RAB3B: variants seen among roughly 807,000 people sequenced by gnomAD.
RAB3B encodes ras-related protein Rab-3B.
A neutral mutation model predicts 20.5 loss-of-function variants in RAB3B; 11 were observed. The ratio of observed to expected loss-of-function variants is 0.54; its 90% CI spans 0.34 to 0.89. The LOEUF (loss-of-function observed/expected upper bound fraction) is 0.89, where lower values mean the gene tolerates loss of function less well. Among genes scored for constraint, RAB3B ranks in the 40% least tolerant of loss-of-function variants. The pLI is 0.02. For synonymous variants in RAB3B, 99 were observed against 106.3 expected (o/e 0.93, Z 0.42); for missense variants, 225 against 280.9 (o/e 0.80, Z 1.42).
chr1:51,967,565 A>C (rs1431723099), intron 2 of RAB3B, among the ~76,000 whole-genome samples: 1 of 73,618 alleles, frequency 1.4e-5, no homozygotes, highest in Non-Finnish European at 2.7e-5. Context: ...TCTGTCACCC[A>C]GGCTGGAGTG....
chr1:51,941,897 A>G (rs530245326), intron 2 of RAB3B, among the ~76,000 whole-genome samples: 1 of 152,354 alleles, frequency 6.6e-6, no homozygotes, highest in South Asian at 2.1e-4. Context: ...TGAATGGATA[A>G]ATGAGTGAAT....
chr1:51,988,693 C>A (rs1685180116), intron 1 of RAB3B, among the ~76,000 whole-genome samples: 1 of 152,198 alleles, frequency 6.6e-6, no homozygotes, highest in South Asian at 2.1e-4. Context: ...CACCAAGCAC[C>A]TACTATGCAC....
intron 1 of RAB3B, among the ~76,000 whole-genome samples, chr1:51,981,621 G>T (rs1260459512): frequency 6.6e-6 from 1 of 152,174 alleles, no homozygotes; most frequent in Non-Finnish European, 1.5e-5. Context: ...AGAATATATG[G>T]TATGTTATCA....
intron 2 of RAB3B, among the ~76,000 whole-genome samples, chr1:51,952,393 G>A (rs72904000): frequency 0.015 from 2,333 of 152,208 alleles, 62 homozygotes; most frequent in African/African-American, 0.053. Flanking sequence ...CCAAGATAAA[G>A]GCACTACTTT....
At position 51,927,278 on chromosome 1, in the gene RAB3B, T is replaced by C. The variant is rs894767672; in HGVS notation, c.472+6040A>G. Among the ~76,000 whole-genome samples, 3 of 152,168 alleles carry C rather than the reference T, an allele frequency of 2.0e-5. No homozygotes were observed. In the East Asian group the frequency reaches 5.8e-4, roughly 29 times the overall value. ...CTGAAATCACAGAATCAAAGTGGGA[T>C]AGGGCCAAACAGATCTTCCTACTCA... On this transcript the variant is annotated intron_variant, in intron 4 of 4. Coordinates refer to ENST00000371655, the MANE Select transcript of RAB3B (RefSeq NM_002867.4).
intron 2 of RAB3B, among the ~76,000 whole-genome samples, chr1:51,960,035 C>T (rs917623637): frequency 3.9e-5 from 6 of 151,940 alleles, no homozygotes; most frequent in African/African-American, 7.3e-5. Flanking sequence ...TGCAGGAGAG[C>T]CCCCCTGGAT....
chr1:51,972,080 CAGA>C (rs897918020), intron 2 of RAB3B, among the ~76,000 whole-genome samples: 21 of 152,138 alleles, frequency 1.4e-4, no homozygotes, highest in Admixed American at 1.4e-3. Context: ...GCTCCAGAAG[CAGA>C]AGAATTGCTT....
chr1:51,924,861 G>A (rs1289964554), intron 4 of RAB3B, among the ~76,000 whole-genome samples: 6 of 152,160 alleles, frequency 3.9e-5, no homozygotes, highest in African/African-American at 1.4e-4. Flanking sequence ...TTTAGGAGCT[G>A]AGAATCTAGT....
At chr1:51,989,752 A>C (rs900148383) in intron 1 of RAB3B, among the ~76,000 whole-genome samples, 16 of 150,648 alleles carry the variant, frequency 1.1e-4, no homozygotes, top group Admixed American at 1.1e-3. Flanking sequence ...AGCAGGGTAG[A>C]CCCAACCTGG....
At chr1:51,968,554 T>G (rs1314849623) in intron 2 of RAB3B, among the ~76,000 whole-genome samples, 1 of 152,202 alleles carries the variant, frequency 6.6e-6, no homozygotes, top group African/African-American at 2.4e-5. Flanking sequence ...AAATATTTGT[T>G]AAATGGCTGC....
At chr1:51,934,235 A>C (rs902618627) in intron 3 of RAB3B, among the ~76,000 whole-genome samples, 1 of 152,018 alleles carries the variant, frequency 6.6e-6, no homozygotes, top group Non-Finnish European at 1.5e-5. Context: ...AAGCTCTTCC[A>C]TGGCTTGTGC....
intron 2 of RAB3B, among the ~76,000 whole-genome samples, chr1:51,972,607 T>A (rs2124306319): frequency 6.6e-6 from 1 of 151,354 alleles, no homozygotes; most frequent in Admixed American, 6.6e-5. Flanking sequence ...GAGTTCCTGA[T>A]CCAACAGAAT....
At chr1:51,946,099 G>C (rs1036765364) in intron 2 of RAB3B, among the ~76,000 whole-genome samples, 1 of 152,120 alleles carries the variant, frequency 6.6e-6, no homozygotes, top group Admixed American at 6.5e-5. Context: ...TCAACTGTGA[G>C]GTGGTGATAA....
chr1:51,937,105 C>T (rs1213643441), intron 3 of RAB3B, among the ~76,000 whole-genome samples, 189 bp downstream of exon 3: 1 of 152,156 alleles, frequency 6.6e-6, no homozygotes, highest in Non-Finnish European at 1.5e-5. Flanking sequence ...TGAGCCACTG[C>T]ACCCGGCCTA....
chr1:51,975,421 T>C lies in RAB3B; in HGVS notation c.228+1469A>G, dbSNP rs545539479. Among the ~76,000 whole-genome samples the C allele has an allele frequency of 5.3e-4, 80 of 152,190 alleles. 1 individual carries two copies. Among genetic ancestry groups the C allele is most frequent in the Admixed American group, 1.0e-3 (16 of 15,272 alleles). ...CTGTGGCAGCCAGCTTCCAAGATGG[T>C]CCCCAGTGATACTTTCCTCCCAATA... On this transcript the variant is annotated intron_variant, in intron 2 of 4. Transcript: ENST00000371655.
At chr1:51,964,629 T>A (rs1684823746) in intron 2 of RAB3B, among the ~76,000 whole-genome samples, 1 of 152,162 alleles carries the variant, frequency 6.6e-6, no homozygotes, top group Non-Finnish European at 1.5e-5. Context: ...CTTCCTGCAG[T>A]CTTCCCCATC....
At chr1:51,945,502 T>C (rs1179944943) in intron 2 of RAB3B, among the ~76,000 whole-genome samples, 7 of 152,236 alleles carry the variant, frequency 4.6e-5, no homozygotes, top group Non-Finnish European at 7.3e-5. Context: ...GATCTGGAAC[T>C]GAACCTGCAA....
At chr1:51,931,585 T>C (rs891890702) in intron 4 of RAB3B, among the ~76,000 whole-genome samples, 3 of 152,148 alleles carry the variant, frequency 2.0e-5, no homozygotes, top group Admixed American at 6.6e-5. Context: ...TGCCCGGCCA[T>C]ATGCTAGGCA....
chr1:51,986,441 C>T lies in RAB3B; in HGVS notation c.-1+4111G>A, dbSNP rs532465358. On this transcript the variant is annotated intron_variant, in intron 1 of 4. Coordinates refer to ENST00000371655, the MANE Select transcript of RAB3B (RefSeq NM_002867.4). ...CTGGGATTACAGGCGTGAGCCACCG[C>T]GCCCAGCCAAAAAAAGTTTAAATTA... Among the ~76,000 whole-genome samples the T allele has an allele frequency of 2.2e-4, 33 of 152,068 alleles. 2 individuals carry two copies. The highest frequency in any genetic ancestry group is 1.3e-3 in the Admixed American group (20 of 15,272).
Sources: gnomAD v4.1 joint callset for allele counts (sites outside exome capture counted in the v4.1 genomes callset) on GRCh38, gnomAD v4.1.1 for gene constraint, MANE v1.5 for transcripts, NCBI Gene and HGNC (gene_info 2026-07-23, HGNC 2026-07-21) for gene names.